DIP2C: variants seen among roughly 807,000 people sequenced by gnomAD.
The protein encoded by DIP2C is DIP2 acetate--CoA ligase C (putative), also known as disco-interacting protein 2 homolog C.
DIP2C carries 33 observed loss-of-function variants against 192.4 expected under a neutral mutation model. That is an observed-to-expected ratio of 0.17 (90% CI 0.13 to 0.23). The LOEUF (loss-of-function observed/expected upper bound fraction) is 0.23, where lower values mean the gene tolerates loss of function less well. Ranked by LOEUF, DIP2C falls within the 10% of genes least tolerant of loss-of-function variation. DIP2C has a pLI of 1.00. For synonymous variants in DIP2C, 979 were observed against 864.1 expected (o/e 1.13, Z -2.33); for missense variants, 1,537 against 2,110.1 (o/e 0.73, Z 5.32).
chr10:567,820 G>C (rs979880454), intron 1 of DIP2C, among the ~76,000 whole-genome samples: 1 of 152,018 alleles, frequency 6.6e-6, no homozygotes, highest in South Asian at 2.1e-4. Flanking sequence ...AGTTGAGACA[G>C]GGTCTCACCA....
intron 5 of DIP2C, among the ~76,000 whole-genome samples, chr10:421,597 T>A (rs1449680561): frequency 1.3e-5 from 2 of 152,236 alleles, no homozygotes; most frequent in Non-Finnish European, 2.9e-5. Context: ...TTAATTCACA[T>A]AAACCAGTGT....
intron 2 of DIP2C, among the ~76,000 whole-genome samples, chr10:485,938 T>C (rs973955781): frequency 6.6e-6 from 1 of 152,230 alleles, no homozygotes; most frequent in Non-Finnish European, 1.5e-5. Context: ...GCAGGAAAGC[T>C]GCCAATCTGC....
chr10:464,156 A>C (rs932594613), intron 3 of DIP2C, among the ~76,000 whole-genome samples: 1 of 152,214 alleles, frequency 6.6e-6, no homozygotes, highest in African/African-American at 2.4e-5. Flanking sequence ...GCATCTAATT[A>C]AACTAAAGTG....
At chr10:674,783 T>G (rs1325204600) in intron 1 of DIP2C, among the ~76,000 whole-genome samples, 14 of 96,610 alleles carry the variant, frequency 1.4e-4, no homozygotes, top group African/African-American at 7.4e-4. Context: ...TATATATATA[T>G]ATATATAGAG....
At chr10:336,238 C>G (rs2132507110) in intron 29 of DIP2C, among the ~76,000 whole-genome samples, 1 of 152,256 alleles carries the variant, frequency 6.6e-6, no homozygotes, top group South Asian at 2.1e-4. Flanking sequence ...CCCTGAGGTC[C>G]CAGGATAGCG....
intron 1 of DIP2C, among the ~76,000 whole-genome samples, chr10:510,093 T>C (rs960225507): frequency 6.6e-6 from 1 of 152,230 alleles, no homozygotes; most frequent in Non-Finnish European, 1.5e-5. Flanking sequence ...GAGGGAGTTA[T>C]CTGTAGCAAT....
intron 4 of DIP2C, among the ~76,000 whole-genome samples, chr10:423,814 G>A (rs1230629245): frequency 6.6e-6 from 1 of 152,200 alleles, no homozygotes; most frequent in Non-Finnish European, 1.5e-5. Context: ...CTCACGCGGA[G>A]CAGCCCCTCC....
intron 1 of DIP2C, among the ~76,000 whole-genome samples, chr10:577,957 G>C (rs1850281182): frequency 6.6e-6 from 1 of 152,026 alleles, no homozygotes; most frequent in African/African-American, 2.4e-5. Context: ...TGAAAAATCA[G>C]ATTATTCTTG....
intron 34 of DIP2C, among the ~76,000 whole-genome samples, chr10:284,317 CTG>C (rs1317902658): frequency 1.3e-5 from 2 of 152,188 alleles, no homozygotes; most frequent in East Asian, 1.9e-4. Context: ...AAAAGTGAAA[CTG>C]AGAGAGACAG....
chr10:507,735 C>T (rs537414400), intron 1 of DIP2C, among the ~76,000 whole-genome samples: 1 of 152,264 alleles, frequency 6.6e-6, no homozygotes, highest in African/African-American at 2.4e-5. Flanking sequence ...TCAGTACTGA[C>T]GATTGAAGAT....
intron 1 of DIP2C, among the ~76,000 whole-genome samples, chr10:496,073 G>C (rs1476303738): frequency 1.4e-5 from 2 of 141,744 alleles, no homozygotes; most frequent in Non-Finnish European, 3.2e-5. Context: ...CAACTTGAGT[G>C]CTGAGTACAC....
chr10:620,760 T>C (rs908351705), intron 1 of DIP2C, among the ~76,000 whole-genome samples: 3 of 152,250 alleles, frequency 2.0e-5, no homozygotes, highest in African/African-American at 7.2e-5. Context: ...AGAAGGTTGC[T>C]ACTTTGGACT....
chr10:320,093 G>A (rs1054573572), intron 31 of DIP2C, among the ~76,000 whole-genome samples: 1 of 152,188 alleles, frequency 6.6e-6, no homozygotes, highest in African/African-American at 2.4e-5. Flanking sequence ...AGTTACAGAT[G>A]GCATATGAGC....
chr10:477,144 A>T (rs1843091811), intron 2 of DIP2C, among the ~76,000 whole-genome samples: 2 of 149,402 alleles, frequency 1.3e-5, no homozygotes, highest in Non-Finnish European at 3.0e-5. Context: ...AGGCCAGCAC[A>T]GGAAGAAGGA....
chr10:622,882 T>C (rs549237578), intron 1 of DIP2C, among the ~76,000 whole-genome samples: 58 of 152,340 alleles, frequency 3.8e-4, no homozygotes, highest in African/African-American at 1.3e-3. Context: ...GTGATGGGGA[T>C]ACAAAGATGT....
chr10:371,834 A>G (rs1269669619), intron 17 of DIP2C, among the ~76,000 whole-genome samples: 1 of 152,218 alleles, frequency 6.6e-6, no homozygotes, highest in African/African-American at 2.4e-5. Context: ...AAGTGAGACA[A>G]GTTTCTGTTG....
intron 1 of DIP2C, among the ~76,000 whole-genome samples, chr10:654,079 C>G (rs977622271): frequency 6.6e-6 from 1 of 152,232 alleles, no homozygotes; most frequent in African/African-American, 2.4e-5. Flanking sequence ...AATGACCCCA[C>G]AGCAGATGCA....
chr10:444,997 A>G (rs970289003), intron 3 of DIP2C, among the ~76,000 whole-genome samples: 3 of 152,186 alleles, frequency 2.0e-5, no homozygotes, highest in Non-Finnish European at 4.4e-5. Flanking sequence ...AAACTGCCAC[A>G]CTGTTTGCTA....
At chr10:658,357 CT>C (rs1361331901) in intron 1 of DIP2C, among the ~76,000 whole-genome samples, 1 of 152,080 alleles carries the variant, frequency 6.6e-6, no homozygotes, top group African/African-American at 2.4e-5. Flanking sequence ...GGACCTGCCC[CT>C]GGACCTGCCG....
Sources: allele counts gnomAD v4.1 joint callset (sites outside exome capture counted in the v4.1 genomes callset), GRCh38; gene constraint gnomAD v4.1.1; transcripts MANE v1.5; gene names NCBI Gene and HGNC (gene_info 2026-07-23, HGNC 2026-07-21).